TRPM3: variants seen among roughly 807,000 people sequenced by gnomAD.
TRPM3 encodes the protein transient receptor potential cation channel subfamily M member 3.
A neutral mutation model predicts 181.2 loss-of-function variants in TRPM3; 77 were observed. The observed-to-expected ratio is 0.42, with a 90% CI of 0.35 to 0.51. The LOEUF (loss-of-function observed/expected upper bound fraction) is 0.51. Ranked by LOEUF, TRPM3 falls within the 20% of genes least tolerant of loss-of-function variation. The probability of loss-of-function intolerance (pLI) is 0.01; values close to 1 mark genes in which losing one functional copy is unlikely to be tolerated. For synonymous variants in TRPM3, 745 were observed against 796.4 expected, an observed-to-expected ratio of 0.94 and a Z score of 1.09; for missense variants, 1,759 against 2,196.7, an observed-to-expected ratio of 0.80 and a Z score of 3.98.
chr9:70,941,910 C>T (rs922637420), intron 1 of TRPM3, among the ~76,000 whole-genome samples: 1 of 151,882 alleles, frequency 6.6e-6, no homozygotes, highest in African/African-American at 2.4e-5. Flanking sequence ...AAATCTATTT[C>T]TTGAAAAAAA....
At chr9:70,902,636 A>G (rs917081827) in intron 1 of TRPM3, among the ~76,000 whole-genome samples, 1 of 152,004 alleles carries the variant, frequency 6.6e-6, no homozygotes, top group Non-Finnish European at 1.5e-5. Context: ...TACAATGAGC[A>G]AAAAAAACAA....
intron 22 of TRPM3, among the ~76,000 whole-genome samples, chr9:70,584,121 T>G (rs2056608411): frequency 1.3e-5 from 2 of 151,762 alleles, no homozygotes; most frequent in Admixed American, 6.6e-5. Flanking sequence ...GTCACTGGAG[T>G]TTTGAACTCC....
At chr9:71,155,873 AAACTT>A (rs1409536797) in intron 1 of TRPM3, among the ~76,000 whole-genome samples, 1 of 152,162 alleles carries the variant, frequency 6.6e-6, no homozygotes, top group Non-Finnish European at 1.5e-5. Flanking sequence ...CACTCTGAAA[AAACTT>A]AGGAATGGAA....
chr9:70,895,025 T>C (rs11142640), intron 1 of TRPM3, among the ~76,000 whole-genome samples: 6,479 of 152,274 alleles, frequency 0.043, 201 homozygotes, highest in African/African-American at 0.09. Context: ...CTTGTATTTC[T>C]TCATCAGCCC....
chr9:70,947,554 C>T (rs1343721349), intron 1 of TRPM3, among the ~76,000 whole-genome samples: 2 of 152,182 alleles, frequency 1.3e-5, no homozygotes, highest in African/African-American at 2.4e-5. Context: ...CCATAAAATG[C>T]ACTTTTGCTC....
chr9:71,131,515 T>C (rs889192985), intron 1 of TRPM3, among the ~76,000 whole-genome samples: 10 of 152,200 alleles, frequency 6.6e-5, no homozygotes, highest in African/African-American at 1.9e-4. Flanking sequence ...GGAAACTCAA[T>C]CAAAATTTGT....
rs559851854 is a variant in TRPM3 at position 71,118,129 on chromosome 9, T to A, written c.177+3049A>T. On this transcript the variant is annotated intron_variant, in intron 1 of 25. Transcript: ENST00000677713. ...AAACGACAACAGAAGAGAAATGATGTAGAAAGGGTCCCATTTGAAATTTAC... is the reference window on the plus strand; with the variant it reads ...AAACGACAACAGAAGAGAAATGATGAAGAAAGGGTCCCATTTGAAATTTAC... 3.9e-5 allele frequency among the ~76,000 whole-genome samples: 6 copies of A among 152,284 alleles called. No homozygotes were observed. The South Asian group carries it at 1.2e-3, about 32-fold the overall frequency.
intron 1 of TRPM3, among the ~76,000 whole-genome samples, chr9:71,057,735 G>A (rs888443145): frequency 6.6e-6 from 1 of 151,816 alleles, no homozygotes; most frequent in Non-Finnish European, 1.5e-5. Flanking sequence ...TTTCCCATTG[G>A]TCATGTATTT....
chr9:70,857,682 T>C (rs1005121972), intron 3 of TRPM3, among the ~76,000 whole-genome samples: 1 of 152,218 alleles, frequency 6.6e-6, no homozygotes, highest in Non-Finnish European at 1.5e-5. Context: ...AAGAACTATG[T>C]TGTTAAATAA....
chr9:71,250,934 G>A (rs2082307785), intron 1 of TRPM3, among the ~76,000 whole-genome samples: 1 of 152,110 alleles, frequency 6.6e-6, no homozygotes, highest in African/African-American at 2.4e-5. Context: ...TTGATTTTCG[G>A]TTTAAGAGCA....
intron 1 of TRPM3, among the ~76,000 whole-genome samples, chr9:71,084,018 G>A (rs974374536): frequency 6.6e-6 from 1 of 151,958 alleles, no homozygotes; most frequent in Non-Finnish European, 1.5e-5. Context: ...GTGAAGTGAT[G>A]TGTACTCAGT....
chr9:70,910,619 A>T (rs2096528381), intron 1 of TRPM3, among the ~76,000 whole-genome samples: 1 of 152,322 alleles, frequency 6.6e-6, no homozygotes, highest in South Asian at 2.1e-4. Flanking sequence ...ATCTTTGATT[A>T]TTGCATTATC....
rs143386333 is a variant in TRPM3 at position 71,442,781 on chromosome 9, G to C, written c.183+3872C>G. Among the ~76,000 whole-genome samples, 386 of 152,288 alleles carry C rather than the reference G, an allele frequency of 2.5e-3. 2 individuals carry two copies. Among genetic ancestry groups the C allele is most frequent in the Non-Finnish European group, 1.7e-3 (116 of 68,026 alleles). Reference sequence around the variant, plus strand: ...TAAAAATACACACATGCTGTGGTGAGCAGCTGACATTTGTAATGCGAGACA... The same window carrying C: ...TAAAAATACACACATGCTGTGGTGACCAGCTGACATTTGTAATGCGAGACA... On this transcript the variant is annotated intron_variant, in intron 1 of 24. Coordinates refer to the TRPM3 transcript ENST00000357533.
intron 1 of TRPM3, among the ~76,000 whole-genome samples, chr9:70,977,833 G>C (rs986662592): frequency 6.6e-6 from 1 of 152,198 alleles, no homozygotes; most frequent in African/African-American, 2.4e-5. Context: ...AGGTACGTGG[G>C]AAGTGGCACA....
chr9:71,411,890 C>A (rs1231600022), intron 1 of TRPM3, among the ~76,000 whole-genome samples: 1 of 152,136 alleles, frequency 6.6e-6, no homozygotes, highest in East Asian at 1.9e-4. Context: ...GTACTGGTAC[C>A]AGAACAGAGA....
At chr9:71,357,164 C>T (rs1488929587) in intron 1 of TRPM3, among the ~76,000 whole-genome samples, 1 of 152,158 alleles carries the variant, frequency 6.6e-6, no homozygotes, top group East Asian at 1.9e-4. Context: ...AAATAATGAA[C>T]ATACTGCTTC....
intron 1 of TRPM3, among the ~76,000 whole-genome samples, chr9:71,356,609 T>C (rs2132700388): frequency 6.6e-6 from 1 of 152,260 alleles, no homozygotes; most frequent in Non-Finnish European, 1.5e-5. Context: ...TCAGTTACTG[T>C]GGAAGTTAAA....
At chr9:71,243,062 CAG>C (rs879510582) in intron 1 of TRPM3, among the ~76,000 whole-genome samples, 1 of 152,088 alleles carries the variant, frequency 6.6e-6, no homozygotes, top group Non-Finnish European at 1.5e-5. Context: ...TTGTTTGTTT[CAG>C]AGAGTCTTGC....
At chr9:70,935,889 T>C (rs2096824834) in intron 1 of TRPM3, among the ~76,000 whole-genome samples, 1 of 152,202 alleles carries the variant, frequency 6.6e-6, no homozygotes, top group Non-Finnish European at 1.5e-5. Flanking sequence ...TCTAGTCTGC[T>C]TTAAAGCTTC....
Sources: allele counts gnomAD v4.1 joint callset (sites outside exome capture counted in the v4.1 genomes callset), GRCh38; gene constraint gnomAD v4.1.1; transcripts MANE v1.5; gene names NCBI Gene and HGNC (gene_info 2026-07-23, HGNC 2026-07-21).